DLGAP2: variants seen among roughly 807,000 people sequenced by gnomAD.
DLGAP2 encodes disks large-associated protein 2.
DLGAP2 carries 26 observed loss-of-function variants against 100.3 expected under a neutral mutation model. That is an observed-to-expected ratio of 0.26 (90% CI 0.19 to 0.36). DLGAP2 has a LOEUF of 0.36. DLGAP2 is among the 10% of genes least tolerant of loss of function. DLGAP2 has a pLI of 1.00. For synonymous variants in DLGAP2, 886 were observed against 630.1 expected (o/e 1.41, Z -6.08); for missense variants, 1,858 against 1,453.2 (o/e 1.28, Z -4.53).
intron 2 of DLGAP2, among the ~76,000 whole-genome samples, chr8:1,059,644 A>T (rs562087045): frequency 1.3e-5 from 2 of 152,164 alleles, no homozygotes; most frequent in East Asian, 3.9e-4. Context: ...CCACTTCACA[A>T]ATGCCTGGTG....
intron 1 of DLGAP2, among the ~76,000 whole-genome samples, chr8:857,191 G>A (rs1585938724): frequency 6.6e-6 from 1 of 152,184 alleles, no homozygotes; most frequent in Non-Finnish European, 1.5e-5. Flanking sequence ...CCCAGAACCA[G>A]ACCTTACACC....
intron 3 of DLGAP2, among the ~76,000 whole-genome samples, chr8:1,310,576 G>A (rs570961508): frequency 6.6e-6 from 1 of 152,316 alleles, no homozygotes; most frequent in African/African-American, 2.4e-5. Flanking sequence ...ATTCTCCACA[G>A]TAGGCCACAT....
chr8:1,327,200 G>T (rs1246370699), intron 3 of DLGAP2, among the ~76,000 whole-genome samples: 2 of 152,218 alleles, frequency 1.3e-5, no homozygotes, highest in African/African-American at 4.8e-5. Flanking sequence ...TAACACTGCT[G>T]TGTATTTCTT....
At chr8:1,023,868 TG>T (rs1801700792) in intron 2 of DLGAP2, among the ~76,000 whole-genome samples, 1 of 149,870 alleles carries the variant, frequency 6.7e-6, no homozygotes, top group Non-Finnish European at 1.5e-5. Flanking sequence ...TGTGTGTGTG[TG>T]TGTGTGTGTG....
At chr8:1,202,058 TGTG>T (rs1797888481) in intron 2 of DLGAP2, among the ~76,000 whole-genome samples, 2 of 151,706 alleles carry the variant, frequency 1.3e-5, no homozygotes, top group Admixed American at 6.6e-5. Context: ...ATCTGTGTGA[TGTG>T]TGTGTATGTG....
At chr8:1,146,630 T>A (rs1018463794) in intron 2 of DLGAP2, among the ~76,000 whole-genome samples, 1 of 151,942 alleles carries the variant, frequency 6.6e-6, no homozygotes, top group Non-Finnish European at 1.5e-5. Flanking sequence ...TGTGCATGCA[T>A]GTGTGTGCAT....
At chr8:1,600,444 C>G (rs1162990104) in intron 6 of DLGAP2, among the ~76,000 whole-genome samples, 3 of 152,144 alleles carry the variant, frequency 2.0e-5, no homozygotes, top group Non-Finnish European at 1.5e-5. Flanking sequence ...AGAAGTTCTC[C>G]TGGATTATAT....
intron 7 of DLGAP2, among the ~76,000 whole-genome samples, chr8:1,630,663 C>T (rs577899337): frequency 1.7e-4 from 26 of 151,718 alleles, no homozygotes; most frequent in African/African-American, 6.1e-4. Context: ...GATCACGCCA[C>T]TGCACTCCAG....
intron 1 of DLGAP2, among the ~76,000 whole-genome samples, chr8:860,352 A>C (rs1231928742): frequency 6.6e-6 from 1 of 152,212 alleles, no homozygotes; most frequent in Non-Finnish European, 1.5e-5. Context: ...CGAATAGCAG[A>C]GCTTCTGACC....
chr8:1,487,368 A>G (rs930960039), intron 3 of DLGAP2, among the ~76,000 whole-genome samples: 1 of 152,354 alleles, frequency 6.6e-6, no homozygotes, highest in African/African-American at 2.4e-5. Context: ...AGGGAAGAAA[A>G]CAACCAACCA....
chr8:1,569,044 G>A (rs1280422809), intron 6 of DLGAP2, among the ~76,000 whole-genome samples: 1 of 148,506 alleles, frequency 6.7e-6, no homozygotes, highest in Non-Finnish European at 1.5e-5. Context: ...TCTGCCTGCA[G>A]CCCCCATGCC....
At chr8:1,377,755 T>C (rs1795992539) in intron 3 of DLGAP2, 1 of 144,474 alleles carries the variant, frequency 6.9e-6, no homozygotes, top group Non-Finnish European at 1.6e-5. Context: ...GCTCTGGTAT[T>C]CTTGGTCCAG....
chr8:1,519,592 G>C (rs1468524235), intron 4 of DLGAP2, among the ~76,000 whole-genome samples: 2 of 152,242 alleles, frequency 1.3e-5, no homozygotes, highest in Admixed American at 6.5e-5. Context: ...TGACGACCCT[G>C]AGCCTGGCTC....
intron 2 of DLGAP2, among the ~76,000 whole-genome samples, chr8:1,225,672 T>C (rs1798399199): frequency 6.6e-6 from 1 of 152,242 alleles, no homozygotes; most frequent in African/African-American, 2.4e-5. Context: ...AATGAACAAA[T>C]TTCTACTAGG....
At chr8:1,627,289 G>T (rs528288022) in intron 7 of DLGAP2, among the ~76,000 whole-genome samples, 1 of 152,214 alleles carries the variant, frequency 6.6e-6, no homozygotes, top group Non-Finnish European at 1.5e-5. Context: ...AGTCCTGTGA[G>T]AGGATAGCCT....
intron 2 of DLGAP2, among the ~76,000 whole-genome samples, chr8:949,717 T>C (rs2129007435): frequency 6.6e-6 from 1 of 152,306 alleles, no homozygotes; most frequent in Admixed American, 6.5e-5. Context: ...CTCAGGTCAG[T>C]TCAGGGACCC....
At chr8:1,113,162 T>G (rs1805013347) in intron 2 of DLGAP2, among the ~76,000 whole-genome samples, 1 of 152,222 alleles carries the variant, frequency 6.6e-6, no homozygotes, top group African/African-American at 2.4e-5. Context: ...TTCTTTTTGC[T>G]TATGATGGCC....
chr8:1,098,800 G>A (rs1187346847), intron 2 of DLGAP2, among the ~76,000 whole-genome samples: 8 of 133,266 alleles, frequency 6.0e-5, no homozygotes, highest in Admixed American at 1.5e-4. Context: ...GCCCACGGAC[G>A]CCGCCACCCA....
At chr8:1,380,643 A>G (rs1796070099) in intron 3 of DLGAP2, among the ~76,000 whole-genome samples, 1 of 152,186 alleles carries the variant, frequency 6.6e-6, no homozygotes, top group Non-Finnish European at 1.5e-5. Flanking sequence ...ATTGCTTCTG[A>G]AATTAAAAGT....
Sources: allele counts gnomAD v4.1 joint callset (sites outside exome capture counted in the v4.1 genomes callset), GRCh38; gene constraint gnomAD v4.1.1; transcripts MANE v1.5; gene names NCBI Gene and HGNC (gene_info 2026-07-23, HGNC 2026-07-21).